PRKACB: variants seen among roughly 807,000 people sequenced by gnomAD.
PRKACB encodes cAMP-dependent protein kinase catalytic subunit beta.
In PRKACB, 16 loss-of-function variants were observed where a neutral mutation model predicts 51.4. The ratio of observed to expected loss-of-function variants is 0.31; its 90% confidence interval spans 0.21 to 0.47. The LOEUF is 0.47. Among genes scored for constraint, PRKACB ranks in the 20% least tolerant of loss-of-function variants. The pLI is 1.00. For synonymous variants in PRKACB, 147 were observed against 154.4 expected (o/e 0.95, Z 0.35); for missense variants, 309 against 464.5 (o/e 0.67, Z 3.08).
At chr1:84,134,637 G>C (rs1258006246) in intron 1 of PRKACB, among the ~76,000 whole-genome samples, 1 of 151,236 alleles carries the variant, frequency 6.6e-6, no homozygotes, top group Non-Finnish European at 1.5e-5. Flanking sequence ...ATCATAAAAT[G>C]TTCATTTAAA....
chr1:84,222,609 C>T (rs12134584), intron 9 of PRKACB, among the ~76,000 whole-genome samples: 5,847 of 152,128 alleles, frequency 0.038, 146 homozygotes, highest in Middle Eastern at 0.088. Flanking sequence ...GACTTTTATA[C>T]TTTCTTGTTT....
intron 9 of PRKACB, among the ~76,000 whole-genome samples, chr1:84,228,597 A>G (rs572254945): frequency 2.0e-5 from 3 of 151,736 alleles, no homozygotes; most frequent in African/African-American, 7.3e-5. Flanking sequence ...ACCATATTCG[A>G]AGTAGTGGGA....
intron 1 of PRKACB, among the ~76,000 whole-genome samples, chr1:84,085,547 A>C (rs1647902579): frequency 1.3e-5 from 2 of 152,206 alleles, no homozygotes; most frequent in African/African-American, 4.8e-5. Context: ...ATGAGGGAAT[A>C]AATCATAAAA....
chr1:84,085,677 C>T (rs1165491136), intron 1 of PRKACB: 2 of 181,604 alleles, frequency 1.1e-5, no homozygotes, highest in Non-Finnish European at 2.3e-5. Context: ...TAGTAAAGGA[C>T]AGGAGTGCCC....
intron 1 of PRKACB, among the ~76,000 whole-genome samples, chr1:84,111,143 A>G (rs1453258090): frequency 6.6e-6 from 1 of 152,058 alleles, no homozygotes; most frequent in East Asian, 1.9e-4. Context: ...ATAAGATAAA[A>G]TCTATTCTTA....
chr1:84,124,641 C>T (rs1651401890), intron 1 of PRKACB, among the ~76,000 whole-genome samples: 1 of 152,174 alleles, frequency 6.6e-6, no homozygotes. Flanking sequence ...GCCTGAGGTT[C>T]GCAGTTTGCC....
chr1:84,183,994 T>A, intron 3 of PRKACB, 43 bp from the exon 4 acceptor site: 2 of 1,479,642 alleles, frequency 1.4e-6, no homozygotes, highest in South Asian at 2.9e-5. Flanking sequence ...AACTTTTTAA[T>A]TTTGCTTAAA....
intron 1 of PRKACB, among the ~76,000 whole-genome samples, chr1:84,167,994 T>C (rs1053634763): frequency 6.6e-6 from 1 of 151,626 alleles, no homozygotes; most frequent in Non-Finnish European, 1.5e-5. Flanking sequence ...GTTTTTGCCC[T>C]TGTTAAGCAA....
chr1:84,157,001 A>G (rs2100674434), intron 1 of PRKACB, among the ~76,000 whole-genome samples: 1 of 152,188 alleles, frequency 6.6e-6, no homozygotes, highest in South Asian at 2.1e-4. Flanking sequence ...CCAGATTATC[A>G]TTTCCCCTTT....
intron 4 of PRKACB, among the ~76,000 whole-genome samples, chr1:84,184,366 A>G (rs576135753): frequency 2.0e-5 from 3 of 152,020 alleles, no homozygotes; most frequent in South Asian, 4.1e-4. Flanking sequence ...ATGAGATGGT[A>G]TTACAAAAAG....
chr1:84,206,761 G>A (rs1171310399), intron 8 of PRKACB, among the ~76,000 whole-genome samples: 1 of 152,118 alleles, frequency 6.6e-6, no homozygotes, highest in African/African-American at 2.4e-5. Context: ...TAGGCACAGT[G>A]AGCCACTCTA....
intron 2 of PRKACB, chr1:84,181,614 T>C (rs1663499425): frequency 3.3e-6 from 4 of 1,217,928 alleles, no homozygotes; most frequent in Non-Finnish European, 4.3e-6. Context: ...TTTTAGATAA[T>C]ACTGTGTTTT....
intron 7 of PRKACB, among the ~76,000 whole-genome samples, chr1:84,198,260 G>T (rs1668746217): frequency 6.6e-6 from 1 of 152,096 alleles, no homozygotes; most frequent in African/African-American, 2.4e-5. Context: ...ATTTTAAATA[G>T]GACTATTAAC....
chr1:84,213,573 C>CTAAATCAT (rs1196028281), intron 8 of PRKACB, among the ~76,000 whole-genome samples: 1 of 152,062 alleles, frequency 6.6e-6, no homozygotes, highest in African/African-American at 2.4e-5. Flanking sequence ...TTAAACCAAT[C>CTAAATCAT]TAAATCATTT....
At chr1:84,148,991 C>T (rs1319548075) in intron 1 of PRKACB, among the ~76,000 whole-genome samples, 2 of 152,124 alleles carry the variant, frequency 1.3e-5, no homozygotes, top group Non-Finnish European at 2.9e-5. Flanking sequence ...GGAAGAATCC[C>T]AGGTCCCACC....
At chr1:84,086,011 CAAGATCCTGG>C (rs1647951779) in intron 1 of PRKACB, 1 of 797,476 alleles carries the variant, frequency 1.3e-6, no homozygotes, top group African/African-American at 1.7e-5. Flanking sequence ...GTGGACCCTG[CAAGATCCTGG>C]GGCTGAGGTT....
chr1:84,154,960 G>A (rs886985974), intron 1 of PRKACB, among the ~76,000 whole-genome samples: 2 of 151,990 alleles, frequency 1.3e-5, no homozygotes, highest in African/African-American at 4.8e-5. Context: ...TTTCCTGTAA[G>A]ATCATGAACA....
intron 1 of PRKACB, among the ~76,000 whole-genome samples, chr1:84,139,079 T>A (rs1653129860): frequency 1.3e-5 from 2 of 152,258 alleles, no homozygotes; most frequent in South Asian, 4.1e-4. Flanking sequence ...AGCTAACATT[T>A]TAGTAGTTAA....
intron 1 of PRKACB, among the ~76,000 whole-genome samples, chr1:84,097,224 A>G (rs1040278183): frequency 7.9e-5 from 12 of 151,930 alleles, no homozygotes; most frequent in Admixed American, 7.2e-4. Flanking sequence ...GTGCATTTTC[A>G]TACACACCTA....
Sources: allele counts gnomAD v4.1 joint callset (sites outside exome capture counted in the v4.1 genomes callset), GRCh38; gene constraint gnomAD v4.1.1; transcripts MANE v1.5; gene names NCBI Gene and HGNC (gene_info 2026-07-23, HGNC 2026-07-21).